Variants in WDR1 observed in about 807,000 individuals in gnomAD.
WDR1 encodes WD repeat domain 1, also known as WD repeat-containing protein 1.
A neutral mutation model predicts 71.9 loss-of-function variants in WDR1; 21 were observed. The observed-to-expected ratio is 0.29, with a 90% CI of 0.21 to 0.42. The LOEUF is 0.42. Ranked by LOEUF, WDR1 falls within the 10% of genes least tolerant of loss-of-function variation. The probability of loss-of-function intolerance (pLI) is 1.00; values close to 1 mark genes in which losing one functional copy is unlikely to be tolerated. For missense variants in WDR1, 696 were observed against 824.5 expected (o/e 0.84, Z 1.91); for synonymous variants, 424 against 347.4 (o/e 1.22, Z -2.45).
chr4:10,103,807 T>TCCCCCC, intron 3 of WDR1, 89 bp downstream of exon 3: 1 of 149,922 alleles, frequency 6.7e-6, no homozygotes, highest in East Asian at 3.7e-4. Context: ...CCTCCCACTC[T>TCCCCCC]CCCAAGGCCA....
chr4:10,078,651 G>C (rs1172745009), intron 12 of WDR1: 2 of 464,924 alleles, frequency 4.3e-6, no homozygotes, highest in Non-Finnish European at 7.7e-6. Context: ...CCACAGTCTT[G>C]TGGGCACCCG....
intron 4 of WDR1, 36 bp downstream of exon 4, chr4:10,098,956 C>T: frequency 1.2e-6 from 2 of 1,612,870 alleles, no homozygotes; most frequent in African/African-American, 1.3e-5. Context: ...TGAGCCACAG[C>T]AACAGGGCAG....
intron 6 of WDR1, 138 bp downstream of exon 6, chr4:10,088,526 G>A (rs1046640829): frequency 1.3e-5 from 15 of 1,113,198 alleles, no homozygotes; most frequent in Admixed American, 4.0e-5. Context: ...GGGCTCTGAC[G>A]ACGAGTCTGC....
chr4:10,098,892 A>T, intron 4 of WDR1, 100 bp downstream of exon 4: 1 of 1,539,956 alleles, frequency 6.5e-7, no homozygotes, highest in East Asian at 2.3e-5. Context: ...CACGAGTGCA[A>T]GTTAGTACAG....
Position 10,116,684 on chromosome 4 carries a change from C to G in WDR1, c.-18G>C. ...TACGGCATCCTCGCCCACTTGTTAC[C>G]GCGCCGCGCTCGCCGAGAGCCTCCG... On this transcript the variant is annotated 5_prime_UTR_variant, in exon 1 of 15. Coordinates refer to ENST00000499869, the MANE Select transcript of WDR1 (RefSeq NM_017491.5). 1 of 1,350,574 alleles carries G rather than the reference C, an allele frequency of 7.4e-7. No individual in the cohort carries two copies. 83.7% of individuals were successfully genotyped at this position (1,350,574 alleles called of 1,614,324 possible).
At chr4:10,108,940 C>T (rs183595956) in intron 2 of WDR1, among the ~76,000 whole-genome samples, 41 of 152,340 alleles carry the variant, frequency 2.7e-4, no homozygotes, top group African/African-American at 8.7e-4. Flanking sequence ...TTCTGTACTA[C>T]GTGGACACCA....
intron 10 of WDR1, among the ~76,000 whole-genome samples, chr4:10,082,031 A>C (rs1416008142): frequency 6.6e-6 from 1 of 152,240 alleles, no homozygotes; most frequent in Non-Finnish European, 1.5e-5. Context: ...CACCAGGCCA[A>C]GGCTGGCTCT....
chr4:10,086,017 T>A (rs1711527803), intron 8 of WDR1, among the ~76,000 whole-genome samples: 1 of 152,146 alleles, frequency 6.6e-6, no homozygotes, highest in South Asian at 2.1e-4. Flanking sequence ...AGCAGTGGTA[T>A]TAGGAAGAGC....
Position 10,074,995 on chromosome 4 carries a change from C to A in WDR1, c.*383G>T. 3.4e-6 allele frequency: 1 copy of A among 290,514 alleles called. No homozygotes were observed. The allele number at this position is 290,514 out of a possible 1,614,324, so 18.0% of individuals were successfully genotyped here. A position where few individuals can be genotyped will look rare whatever the true frequency, so the allele number is the denominator to read the frequency against. The stretch of plus-strand genomic sequence containing the variant: ...AATGTTCTGCAGGCAGGAACATGAG[C>A]CCCCCGGCTCATTCACCTGTACAAC... On this transcript the variant is annotated 3_prime_UTR_variant, in exon 15 of 15. Coordinates refer to ENST00000499869, the MANE Select transcript of WDR1 (RefSeq NM_017491.5).
In WDR1 at chr4:10,098,893, G is replaced by C. The variant is rs545440504; in HGVS notation, c.377+99C>G. The C allele has an allele frequency of 3.1e-5, 48 of 1,545,134 alleles. No individual in the cohort carries two copies. The African/African-American group carries it at 5.3e-4, about 17-fold the overall frequency. The stretch of plus-strand genomic sequence containing the variant: ...GGGAGCTCAACCCTCACGAGTGCAA[G>C]TTAGTACAGACATCAGCGCATCCCC... On this transcript the variant is annotated intron_variant, in intron 4 of 14. Transcript: ENST00000499869.
intron 9 of WDR1, 144 bp from the exon 10 acceptor site, chr4:10,083,322 G>T: frequency 9.4e-7 from 1 of 1,064,472 alleles, no homozygotes; most frequent in Non-Finnish European, 1.3e-6. Flanking sequence ...GAAGCCTGCA[G>T]TGTCCACTGT....
intron 13 of WDR1, 135 bp from the exon 14 acceptor site, chr4:10,077,583 G>A: frequency 6.7e-7 from 1 of 1,493,154 alleles, no homozygotes; most frequent in Non-Finnish European, 9.1e-7. Context: ...AGCGACCCCT[G>A]CAAACCCACT....
chr4:10,082,887 C>T (rs1765069632), intron 10 of WDR1, 135 bp downstream of exon 10: 5 of 1,187,028 alleles, frequency 4.2e-6, no homozygotes, highest in Non-Finnish European at 5.7e-6. Context: ...AACAGGAGAA[C>T]AATGCTGGGG....
chr4:10,077,731 G>C (rs1397984005), intron 13 of WDR1, 22 bp downstream of exon 13: 1 of 1,550,932 alleles, frequency 6.4e-7, no homozygotes, highest in South Asian at 1.2e-5. Flanking sequence ...CGGGGACAGA[G>C]GAGGAGCCCG....
In WDR1 at chr4:10,097,951, C is replaced by T. The variant is rs138479484; in HGVS notation, c.378-60G>A. On this transcript the variant is annotated intron_variant, in intron 4 of 14. Transcript: ENST00000499869. ...AAAAAAAAAAATCAATCCCAGAAGG[C>T]TGGTAAGCAATCTGATAGCTGAGCT... The T allele has an allele frequency of 6.6e-4, 962 of 1,458,504 alleles. 6 individuals carry two copies. In the African/African-American group the frequency reaches 0.013, roughly 19 times the overall value. The allele number at this position is 1,458,504 out of a possible 1,614,324, so 90.3% of individuals were successfully genotyped here.
At chr4:10,096,490 C>T (rs1712358170) in intron 5 of WDR1, 1 of 152,238 alleles carries the variant, frequency 6.6e-6, no homozygotes, top group African/African-American at 2.4e-5. Context: ...AGGGAGCCTC[C>T]CTATGCTTTC....
chr4:10,104,815 A>G (rs1712923375), intron 2 of WDR1, among the ~76,000 whole-genome samples: 1 of 152,136 alleles, frequency 6.6e-6, no homozygotes, highest in Admixed American at 6.5e-5. Flanking sequence ...TCAGCTTTTT[A>G]CAAACCAAGT....
In WDR1 at chr4:10,116,637, G is replaced by C; in HGVS notation, c.16+14C>G. On this transcript the variant is annotated intron_variant, in intron 1 of 14. Coordinates refer to ENST00000499869, the MANE Select transcript of WDR1 (RefSeq NM_017491.5). ...CGCGGCGGCCGCTCGGGGGCCCCGCGCCGCGGCACTTACTGATCTCGTACG... is the reference window on the plus strand; with the variant it reads ...CGCGGCGGCCGCTCGGGGGCCCCGCCCCGCGGCACTTACTGATCTCGTACG... The C allele has an allele frequency of 2.4e-6, 3 of 1,253,338 alleles. No homozygotes were observed. The highest frequency in any genetic ancestry group is 3.0e-6 in the Non-Finnish European group (3 of 995,886). The allele number at this position is 1,253,338 out of a possible 1,614,324, so 77.6% of individuals were successfully genotyped here.
chr4:10,111,269 C>T (rs1290689495), intron 2 of WDR1, among the ~76,000 whole-genome samples: 5 of 152,194 alleles, frequency 3.3e-5, no homozygotes, highest in Admixed American at 6.5e-5. Context: ...ACTCCCCTCA[C>T]GCTCAGTGCC....
Sources: allele counts gnomAD v4.1 joint callset (sites outside exome capture counted in the v4.1 genomes callset), GRCh38; gene constraint gnomAD v4.1.1; transcripts MANE v1.5; gene names NCBI Gene and HGNC (gene_info 2026-07-23, HGNC 2026-07-21).